CSMD1: variants seen among roughly 807,000 people sequenced by gnomAD.
CSMD1 encodes CUB and sushi domain-containing protein 1.
In CSMD1, 213 loss-of-function variants were observed where a neutral mutation model predicts 417.5. The observed-to-expected ratio is 0.51, with a 90% confidence interval of 0.46 to 0.57. The LOEUF (loss-of-function observed/expected upper bound fraction) is 0.57, where lower values mean the gene tolerates loss of function less well. CSMD1 is among the 20% of genes least tolerant of loss of function. CSMD1 has a pLI of 0.00. For synonymous variants in CSMD1, 2,862 were observed against 1,736.8 expected (o/e 1.65, Z -16.11); for missense variants, 6,923 against 4,529.7 (o/e 1.53, Z -15.17).
rs1249912772 is a variant in CSMD1 at position 4,602,498 on chromosome 8, T to A, written c.302+34844A>T. Among the ~76,000 whole-genome samples the A allele has an allele frequency of 3.3e-5, 5 of 152,204 alleles. No individual in the cohort carries two copies. In the East Asian group the frequency reaches 7.7e-4, roughly 23 times the overall value. ...CCAGAGCTGTCCAGCACATCTCAGGTACGCATACAATAAAACCGTAAATAT... is the reference window on the plus strand; with the variant it reads ...CCAGAGCTGTCCAGCACATCTCAGGAACGCATACAATAAAACCGTAAATAT... On this transcript the variant is annotated intron_variant, in intron 2 of 69. Coordinates refer to ENST00000635120, the MANE Select transcript of CSMD1 (RefSeq NM_033225.6).
In CSMD1 at chr8:3,417,222, C is replaced by G. The variant is rs1813213779; in HGVS notation, c.1562-7617G>C. 2.0e-5 allele frequency among the ~76,000 whole-genome samples: 3 copies of G among 152,142 alleles called. No homozygotes were observed. The South Asian group carries it at 6.2e-4, about 31-fold the overall frequency. On this transcript the variant is annotated intron_variant, in intron 12 of 69. Coordinates refer to ENST00000635120, the MANE Select transcript of CSMD1 (RefSeq NM_033225.6). ...AAATAGATGTACTATGATGATGTTC[C>G]ATAAATAAGAGGGACCTTTAAATTC...
intron 3 of CSMD1, among the ~76,000 whole-genome samples, chr8:4,088,707 G>C (rs1018950326): frequency 6.6e-6 from 1 of 151,618 alleles, no homozygotes; most frequent in Non-Finnish European, 1.5e-5. Context: ...TCAGCTCCCC[G>C]ACCCCAAAGC....
chr8:4,915,942 C>T (rs1806038970), intron 1 of CSMD1, among the ~76,000 whole-genome samples: 1 of 152,164 alleles, frequency 6.6e-6, no homozygotes, highest in South Asian at 2.1e-4. Flanking sequence ...CTGCAAGTGG[C>T]ATCTCTTCCA....
At chr8:3,841,275 A>G (rs1006881929) in intron 5 of CSMD1, among the ~76,000 whole-genome samples, 1 of 152,166 alleles carries the variant, frequency 6.6e-6, no homozygotes, top group African/African-American at 2.4e-5. Context: ...TTGATTTTGA[A>G]CTATCTTTAA....
intron 49 of CSMD1, among the ~76,000 whole-genome samples, chr8:3,086,184 T>C (rs1184956360): frequency 6.6e-6 from 1 of 150,562 alleles, no homozygotes; most frequent in East Asian, 1.9e-4. Context: ...GAAAAAGTAT[T>C]CTTGTAAAGA....
intron 3 of CSMD1, among the ~76,000 whole-genome samples, chr8:4,333,606 A>C (rs1007380155): frequency 6.6e-6 from 1 of 152,170 alleles, no homozygotes; most frequent in East Asian, 1.9e-4. Context: ...GTTGTTACTG[A>C]TGCAGATATA....
At chr8:3,660,623 C>A (rs531915974) in intron 7 of CSMD1, among the ~76,000 whole-genome samples, 2 of 150,320 alleles carry the variant, frequency 1.3e-5, no homozygotes, top group Non-Finnish European at 3.0e-5. Context: ...CAGGTTCAAG[C>A]GATTCTCCTA....
chr8:3,742,709 G>T (rs953185902), intron 6 of CSMD1, among the ~76,000 whole-genome samples: 1 of 151,744 alleles, frequency 6.6e-6, no homozygotes, highest in Admixed American at 6.6e-5. Context: ...TGAGAAGCTT[G>T]CATAGGATCA....
chr8:4,023,428 C>T (rs1027618882), intron 4 of CSMD1, among the ~76,000 whole-genome samples: 5 of 152,094 alleles, frequency 3.3e-5, no homozygotes, highest in East Asian at 1.9e-4. Flanking sequence ...ATAATTGAGG[C>T]AAAGCCAGCA....
At chr8:4,003,043 A>C (rs532729822) in intron 4 of CSMD1, among the ~76,000 whole-genome samples, 1 of 152,166 alleles carries the variant, frequency 6.6e-6, no homozygotes, top group Non-Finnish European at 1.5e-5. Context: ...ATAAAAAAAT[A>C]TTTGCAACAA....
rs147808008 is a variant in CSMD1, at chr8:3,496,356, T to G, written c.1345-2630A>C. ...GCCCTGCAGAGCTCCCTGTAAGGAT[T>G]GAGGGCAGACACCATGTGGCTTGCT... is the stretch of plus-strand genomic sequence containing the variant. On this transcript the variant is annotated intron_variant, in intron 10 of 69. Transcript: ENST00000635120. Among the ~76,000 whole-genome samples the G allele has an allele frequency of 1.2e-3, 189 of 152,276 alleles. 1 individual carries two copies. Among genetic ancestry groups the G allele is most frequent in the African/African-American group, 4.2e-3 (175 of 41,580 alleles).
chr8:4,639,948 T>A (rs1803091108), intron 1 of CSMD1, among the ~76,000 whole-genome samples: 1 of 152,166 alleles, frequency 6.6e-6, no homozygotes, highest in Admixed American at 6.6e-5. Context: ...TTTGAAAGGT[T>A]TTTAAAGAAA....
At chr8:4,787,078 A>G (rs1797438365) in intron 1 of CSMD1, among the ~76,000 whole-genome samples, 1 of 152,176 alleles carries the variant, frequency 6.6e-6, no homozygotes, top group Non-Finnish European at 1.5e-5. Context: ...ATTAGATCTA[A>G]TTACTGATAG....
At chr8:3,401,193 T>G (rs9969557) in intron 15 of CSMD1, among the ~76,000 whole-genome samples, 1 of 151,706 alleles carries the variant, frequency 6.6e-6, no homozygotes, top group African/African-American at 2.4e-5. Context: ...GAAAGACATA[T>G]GGCAGATGCA....
chr8:2,950,096 G>A (rs1585040271), intron 67 of CSMD1, 135 bp downstream of exon 67: 1 of 621,944 alleles, frequency 1.6e-6, no homozygotes, highest in East Asian at 2.6e-5. Flanking sequence ...CTGTCAAGAA[G>A]AGGGGCAGCT....
chr8:3,284,666 G>T (rs1376730662), intron 25 of CSMD1: 1 of 290,710 alleles, frequency 3.4e-6, no homozygotes, highest in East Asian at 7.8e-5. Flanking sequence ...AGCTTTCTAC[G>T]GCACACAAAC....
chr8:3,239,757 A>C (rs1799378013), intron 26 of CSMD1, among the ~76,000 whole-genome samples: 1 of 152,200 alleles, frequency 6.6e-6, no homozygotes, highest in African/African-American at 2.4e-5. Flanking sequence ...AACTGCCCTC[A>C]ATAAACCAAG....
At chr8:3,904,907 G>C (rs929203498) in intron 5 of CSMD1, among the ~76,000 whole-genome samples, 2 of 152,118 alleles carry the variant, frequency 1.3e-5, no homozygotes, top group Admixed American at 1.3e-4. Flanking sequence ...AAAGGGCTGA[G>C]ATTACAGGTG....
intron 5 of CSMD1, among the ~76,000 whole-genome samples, chr8:3,885,093 A>G (rs1166727208): frequency 2.0e-5 from 3 of 152,096 alleles, no homozygotes; most frequent in Non-Finnish European, 4.4e-5. Context: ...CTTCTCATAT[A>G]CATGCTTATC....
Sources: allele counts gnomAD v4.1 joint callset (sites outside exome capture counted in the v4.1 genomes callset), GRCh38; gene constraint gnomAD v4.1.1; transcripts MANE v1.5; gene names NCBI Gene and HGNC (gene_info 2026-07-23, HGNC 2026-07-21).